STIM1: variants seen among roughly 807,000 people sequenced by gnomAD.
STIM1 encodes stromal interaction molecule 1.
In STIM1, 25 loss-of-function variants were observed where a neutral mutation model predicts 74.7. The observed-to-expected ratio is 0.33, with a 90% confidence interval of 0.24 to 0.47. The LOEUF is 0.47. Among genes scored for constraint, STIM1 ranks in the 20% least tolerant of loss-of-function variants. STIM1 has a pLI of 1.00. For synonymous variants in STIM1, 328 were observed against 348.8 expected (o/e 0.94, Z 0.66); for missense variants, 728 against 920.8 (o/e 0.79, Z 2.71).
At chr11:3,977,776 A>G (rs753081847) in intron 2 of STIM1, among the ~76,000 whole-genome samples, 10 of 151,852 alleles carry the variant, frequency 6.6e-5, no homozygotes, top group Non-Finnish European at 1.2e-4. Context: ...TTTTTAAGCT[A>G]TTTGAAGAGG....
At chr11:3,898,609 G>A (rs1455632758) in intron 1 of STIM1, among the ~76,000 whole-genome samples, 6 of 149,610 alleles carry the variant, frequency 4.0e-5, no homozygotes, top group East Asian at 2.0e-4. Context: ...GTCCTGAATG[G>A]TAATGCCTAG....
At chr11:4,083,619 A>C in intron 10 of STIM1, 121 bp downstream of exon 10, 19 of 959,054 alleles carry the variant, frequency 2.0e-5, no homozygotes, top group Non-Finnish European at 2.9e-5. Context: ...AGTTCAACTC[A>C]TGACCTTGGT....
At chr11:4,080,738 T>C (rs2094461250) in intron 7 of STIM1, among the ~76,000 whole-genome samples, 1 of 152,226 alleles carries the variant, frequency 6.6e-6, no homozygotes, top group Admixed American at 6.5e-5. Flanking sequence ...ACTACTGGGA[T>C]TACAGGCGTG....
chr11:3,871,518 T>C lies in STIM1; in HGVS notation c.139+15109T>C, dbSNP rs1374994516. 2.0e-5 allele frequency among the ~76,000 whole-genome samples: 3 copies of C among 152,230 alleles called. No individual in the cohort carries two copies. The East Asian group carries it at 5.8e-4, about 29-fold the overall frequency. On this transcript the variant is annotated intron_variant, in intron 1 of 12. Transcript: ENST00000526596. ...TCATGGGGGCAGGCCTGAAACTAGC[T>C]GTTTTGTCCAATATCTAGTCACATA... is the stretch of plus-strand genomic sequence containing the variant.
At chr11:3,868,613 A>G (rs546455133) in intron 1 of STIM1, among the ~76,000 whole-genome samples, 46 of 152,358 alleles carry the variant, frequency 3.0e-4, no homozygotes, top group Non-Finnish European at 5.6e-4. Flanking sequence ...AGTTTATTCT[A>G]TCACCCAAGT....
intron 3 of STIM1, among the ~76,000 whole-genome samples, chr11:4,051,837 G>A (rs1484399122): frequency 1.3e-5 from 2 of 152,108 alleles, no homozygotes; most frequent in Non-Finnish European, 2.9e-5. Context: ...CAGATGACAT[G>A]ATTGTATGTT....
At chr11:4,023,605 T>C (rs1024848066) in intron 2 of STIM1, among the ~76,000 whole-genome samples, 1 of 152,228 alleles carries the variant, frequency 6.6e-6, no homozygotes, top group South Asian at 2.1e-4. Context: ...TTAACTGTCA[T>C]GTATTGTCTT....
At chr11:3,878,847 G>C (rs2091392761) in intron 1 of STIM1, among the ~76,000 whole-genome samples, 1 of 152,120 alleles carries the variant, frequency 6.6e-6, no homozygotes, top group Non-Finnish European at 1.5e-5. Flanking sequence ...CAGCTGCTCG[G>C]CTGCCTATCT....
chr11:4,004,000 A>G (rs920377130), intron 2 of STIM1, among the ~76,000 whole-genome samples: 14 of 152,216 alleles, frequency 9.2e-5, no homozygotes, highest in Non-Finnish European at 2.1e-4. Flanking sequence ...ATAGCTTCAA[A>G]GAGAATAAAA....
rs962318017 is a variant in STIM1 at position 4,088,762 on chromosome 11, C to T, written c.1634+2219C>T. 7.8e-6 allele frequency: 12 copies of T among 1,535,050 alleles called. No homozygotes were observed. In the African/African-American group the frequency reaches 1.1e-4, roughly 14 times the overall value. ...AGGTCAGTAGCTTGGGATGGGAGTC[C>T]GAGGCAGCCCAGCCTTTGGGGAGGG... On this transcript the variant is annotated intron_variant, in intron 12 of 12. Coordinates refer to ENST00000526596, the MANE Select transcript of STIM1 (RefSeq NM_001382567.1).
intron 3 of STIM1, among the ~76,000 whole-genome samples, chr11:4,054,055 A>G (rs942939320): frequency 2.0e-5 from 3 of 152,196 alleles, no homozygotes; most frequent in Admixed American, 2.0e-4. Flanking sequence ...CGAGCAACTG[A>G]ATTCTTAATT....
intron 5 of STIM1, among the ~76,000 whole-genome samples, chr11:4,068,581 C>T (rs1340489441): frequency 2.6e-5 from 4 of 152,104 alleles, no homozygotes; most frequent in South Asian, 2.1e-4. Flanking sequence ...TGATGGCTTA[C>T]GTATGGCTAG....
At chr11:4,029,001 C>G (rs984689567) in intron 3 of STIM1, among the ~76,000 whole-genome samples, 7 of 151,914 alleles carry the variant, frequency 4.6e-5, no homozygotes, top group Non-Finnish European at 8.8e-5. Context: ...GCCTGGCCAA[C>G]ATGGTGAAAC....
At chr11:3,914,077 A>T (rs2092606269) in intron 1 of STIM1, among the ~76,000 whole-genome samples, 1 of 152,094 alleles carries the variant, frequency 6.6e-6, no homozygotes, top group Admixed American at 6.6e-5. Context: ...ATTTTAAAAC[A>T]TTTTTCATCA....
chr11:3,946,707 T>A (rs1037329174), intron 1 of STIM1, among the ~76,000 whole-genome samples: 1 of 152,316 alleles, frequency 6.6e-6, no homozygotes. Flanking sequence ...GCTTATATTA[T>A]GTTTCCTGAC....
At chr11:4,003,906 A>G (rs2093748794) in intron 2 of STIM1, among the ~76,000 whole-genome samples, 1 of 152,230 alleles carries the variant, frequency 6.6e-6, no homozygotes, top group Non-Finnish European at 1.5e-5. Flanking sequence ...GATAAAAAAA[A>G]TCAATGTACA....
intron 2 of STIM1, among the ~76,000 whole-genome samples, chr11:3,992,091 T>G (rs1261415736): frequency 2.0e-5 from 2 of 100,286 alleles, no homozygotes; most frequent in African/African-American, 5.7e-5. Context: ...GTTTTTTTGT[T>G]TTTTTTTTTT....
At chr11:3,925,124 C>T (rs935965208) in intron 1 of STIM1, among the ~76,000 whole-genome samples, 10 of 152,192 alleles carry the variant, frequency 6.6e-5, no homozygotes, top group African/African-American at 9.7e-5. Context: ...CAGCTGGCTG[C>T]GGTGGCTCAC....
chr11:4,032,510 G>T (rs1267217493), intron 3 of STIM1, among the ~76,000 whole-genome samples: 1 of 151,996 alleles, frequency 6.6e-6, no homozygotes, highest in East Asian at 1.9e-4. Flanking sequence ...AGTTATTTTG[G>T]CTGTTTCAGG....
Sources: gnomAD v4.1 joint callset for allele counts (sites outside exome capture counted in the v4.1 genomes callset) on GRCh38, gnomAD v4.1.1 for gene constraint, MANE v1.5 for transcripts, NCBI Gene and HGNC (gene_info 2026-07-23, HGNC 2026-07-21) for gene names.